Variants in GUCY1A2 observed in about 807,000 individuals in gnomAD.
The protein encoded by GUCY1A2 is guanylate cyclase 1 soluble subunit alpha 2, also known as guanylate cyclase soluble subunit alpha-2.
A neutral mutation model predicts 63.5 loss-of-function variants in GUCY1A2; 27 were observed. The ratio of observed to expected loss-of-function variants is 0.43; its 90% CI spans 0.31 to 0.59. The LOEUF (loss-of-function observed/expected upper bound fraction) is 0.59. Ranked by LOEUF, GUCY1A2 falls within the 20% of genes least tolerant of loss-of-function variation. The probability of loss-of-function intolerance (pLI) is 0.11; values close to 1 mark genes in which losing one functional copy is unlikely to be tolerated. For missense variants in GUCY1A2, 768 were observed against 913.3 expected (o/e 0.84, Z 2.05); for synonymous variants, 364 against 343.5 (o/e 1.06, Z -0.66).
intron 7 of GUCY1A2, among the ~76,000 whole-genome samples, chr11:106,701,930 A>C (rs1655034032): frequency 6.6e-6 from 1 of 152,036 alleles, no homozygotes. Flanking sequence ...AAAATTTAAA[A>C]AGTAATTATT....
chr11:106,931,770 G>T (rs1248760840), intron 4 of GUCY1A2, among the ~76,000 whole-genome samples: 3 of 152,184 alleles, frequency 2.0e-5, no homozygotes, highest in Non-Finnish European at 4.4e-5. Context: ...TAAGAAATGA[G>T]TAGAAGAAGC....
intron 4 of GUCY1A2, among the ~76,000 whole-genome samples, chr11:106,877,238 T>C (rs962704228): frequency 2.0e-5 from 3 of 152,220 alleles, no homozygotes; most frequent in African/African-American, 7.2e-5. Context: ...TACAGGGTTT[T>C]CTAGGTATAG....
At chr11:107,016,783 G>A (rs932541338) in intron 1 of GUCY1A2, among the ~76,000 whole-genome samples, 2 of 152,110 alleles carry the variant, frequency 1.3e-5, no homozygotes, top group African/African-American at 4.8e-5. Flanking sequence ...AGTAAAGGAT[G>A]AGGTACAGGT....
At chr11:106,924,734 G>T (rs532895580) in intron 4 of GUCY1A2, among the ~76,000 whole-genome samples, 1 of 152,260 alleles carries the variant, frequency 6.6e-6, no homozygotes, top group East Asian at 1.9e-4. Context: ...GCCCAGCTTG[G>T]TGGCTCATGT....
At chr11:106,704,981 C>G (rs1441734163) in intron 7 of GUCY1A2, among the ~76,000 whole-genome samples, 1 of 151,488 alleles carries the variant, frequency 6.6e-6, no homozygotes, top group East Asian at 1.9e-4. Context: ...AAAAACTTAT[C>G]CCATCATTGG....
intron 7 of GUCY1A2, among the ~76,000 whole-genome samples, chr11:106,692,308 C>T (rs548695860): frequency 6.6e-6 from 1 of 152,242 alleles, no homozygotes; most frequent in South Asian, 2.1e-4. Context: ...GGAAATCACA[C>T]AAATCCTAGT....
At chr11:106,936,608 A>G (rs1401292476) in intron 4 of GUCY1A2, 1 of 1,123,772 alleles carries the variant, frequency 8.9e-7, no homozygotes, top group South Asian at 1.4e-5. Flanking sequence ...AAGTGATAGA[A>G]TCAAAGCTTG....
intron 6 of GUCY1A2, among the ~76,000 whole-genome samples, chr11:106,750,393 C>G (rs1863862482): frequency 6.6e-6 from 1 of 152,086 alleles, no homozygotes; most frequent in Non-Finnish European, 1.5e-5. Flanking sequence ...TGGCAATACC[C>G]TCACAAACAC....
chr11:106,933,840 AC>A (rs1220115125), intron 4 of GUCY1A2, among the ~76,000 whole-genome samples: 1 of 152,182 alleles, frequency 6.6e-6, no homozygotes, highest in African/African-American at 2.4e-5. Flanking sequence ...TTCTAAGCAA[AC>A]AAACACAGGA....
chr11:106,952,653 GTT>G (rs34041419), intron 3 of GUCY1A2, among the ~76,000 whole-genome samples: 9 of 149,062 alleles, frequency 6.0e-5, no homozygotes, highest in African/African-American at 2.2e-4. Context: ...GATGATGAGG[GTT>G]TTTTTTTTCT....
At chr11:106,815,534 TAAAG>T (rs1325602584) in intron 4 of GUCY1A2, among the ~76,000 whole-genome samples, 2 of 149,882 alleles carry the variant, frequency 1.3e-5, no homozygotes, top group African/African-American at 5.0e-5. Context: ...AAAGAATGGC[TAAAG>T]AAAGGTCTTT....
chr11:106,772,143 ACCAATCATTT>A (rs1864268613), intron 6 of GUCY1A2, among the ~76,000 whole-genome samples: 1 of 152,220 alleles, frequency 6.6e-6, no homozygotes, highest in African/African-American at 2.4e-5. Context: ...CAAGGGCATT[ACCAATCATTT>A]CCAAGCAATT....
chr11:106,687,646 G>A lies in GUCY1A2; in HGVS notation c.2102C>T (p.Thr701Ile). 4 of 1,613,762 alleles carry A rather than the reference G, an allele frequency of 2.5e-6. No homozygotes were observed. The highest frequency in any genetic ancestry group is 3.4e-6 in the Non-Finnish European group (4 of 1,179,670). ...PGICYFLEVR[T>I]GPKPPKPSLS... ...AGAAGGCTTTGGTGGCTTTGGACCA[G>A]TCCTTACCTCCAGGAAATAGCAGAT... Residue 701 changes from threonine (T) to isoleucine (I), a missense_variant, in exon 8 of 8, where the codon ACT (threonine) becomes ATT (isoleucine). By Grantham distance (89) the Thr-to-Ile change is moderately conservative. Around this residue, in one of 3 missense-constraint regions of GUCY1A2, gnomAD observed 150 missense variants for 188.3 expected, o/e 0.80. Transcript: ENST00000526355.
intron 6 of GUCY1A2, among the ~76,000 whole-genome samples, chr11:106,766,611 C>T (rs925406157): frequency 5.4e-4 from 82 of 151,794 alleles, no homozygotes; most frequent in African/African-American, 1.7e-3. Context: ...TTATTTGAAA[C>T]GAGATATGAG....
Position 106,687,289 on chromosome 11 carries a change from T to G in GUCY1A2, c.*260A>C. 2.5e-6 allele frequency: 1 copy of G among 395,350 alleles called. No homozygotes were observed. The highest frequency in any genetic ancestry group is 4.5e-6 in the Non-Finnish European group (1 of 220,432). The allele number at this position is 395,350 out of a possible 1,614,324, so 24.5% of individuals were successfully genotyped here. A position where few individuals can be genotyped will look rare whatever the true frequency, so the allele number is the denominator to read the frequency against. On this transcript the variant is annotated 3_prime_UTR_variant, in exon 8 of 8. Transcript: ENST00000526355. ...GTTAGTTCTGAAAGGGGACCCACAC[T>G]TGTAATTAAAATATATGTGTATATA...
At position 106,686,162 on chromosome 11, in the gene GUCY1A2, A is replaced by C. The variant is rs1862522797; in HGVS notation, c.*1387T>G. The stretch of plus-strand genomic sequence containing the variant: ...AAACTTAGATTTTATATCTGAACCC[A>C]AACAGGAAAACTCTGGACACCTGAT... On this transcript the variant is annotated 3_prime_UTR_variant, in exon 8 of 8. Transcript: ENST00000526355. The C allele has an allele frequency of 4.6e-6, 1 of 216,994 alleles. No homozygotes were observed. The highest frequency in any genetic ancestry group is 6.8e-5 in the East Asian group (1 of 14,646). 13.4% of individuals were successfully genotyped at this position (216,994 alleles called of 1,614,324 possible).
intron 4 of GUCY1A2, among the ~76,000 whole-genome samples, chr11:106,816,967 A>G (rs1032742849): frequency 6.6e-6 from 1 of 151,358 alleles, no homozygotes; most frequent in African/African-American, 2.4e-5. Flanking sequence ...AAGTTTTTTG[A>G]AAAAAAAATC....
chr11:106,853,239 G>A (rs536371701), intron 4 of GUCY1A2, among the ~76,000 whole-genome samples: 5 of 152,102 alleles, frequency 3.3e-5, no homozygotes, highest in African/African-American at 1.2e-4. Flanking sequence ...CTATAGCTTT[G>A]CCCATCTCTT....
At chr11:107,009,976 A>C (rs76056958) in intron 1 of GUCY1A2, among the ~76,000 whole-genome samples, 1 of 152,052 alleles carries the variant, frequency 6.6e-6, no homozygotes, top group Non-Finnish European at 1.5e-5. Context: ...TGAGGATGAG[A>C]CCCAGGAATC....
Sources: gnomAD v4.1 joint callset for allele counts (sites outside exome capture counted in the v4.1 genomes callset) on GRCh38, gnomAD v4.1.1 for gene constraint, gnomAD v4.1.1 regional missense constraint, MANE v1.5 for transcripts, NCBI Gene and HGNC (gene_info 2026-07-23, HGNC 2026-07-21) for gene names.